The following WNT8B variants were observed in gnomAD, a reference collection of about 807,000 sequenced individuals.
The protein encoded by WNT8B is Wnt family member 8B, also known as protein Wnt-8b.
Under a neutral mutation model 36.6 loss-of-function variants are expected in WNT8B, and 24 were observed. The ratio of observed to expected loss-of-function variants is 0.66; its 90% confidence interval spans 0.48 to 0.92. The LOEUF (loss-of-function observed/expected upper bound fraction) is 0.92. WNT8B is among the 40% of genes least tolerant of loss of function. The probability of loss-of-function intolerance (pLI) is 0.00; values close to 1 mark genes in which losing one functional copy is unlikely to be tolerated. For synonymous variants in WNT8B, 199 were observed against 189.8 expected, an observed-to-expected ratio of 1.05 and a Z score of -0.40; for missense variants, 402 against 470.8, an observed-to-expected ratio of 0.85 and a Z score of 1.35.
chr10:100,481,006 G>A lies in WNT8B; in HGVS notation c.250G>A (p.Glu84Lys). ...SHGGLRSANR[E>K]TAFVHAISSA... is the part of the protein sequence containing the mutation. ...TTTTTGGTTCCTGCTAGCCAATCGG[G>A]AGACAGCATTTGTGCATGCCATCAG... Residue 84 changes from glutamate to lysine, a missense_variant, in exon 4 of 6, where the codon GAG (glutamate) becomes AAG (lysine). Glu to Lys is a moderately conservative substitution (Grantham distance 56, BLOSUM62 1). This residue lies in a region of WNT8B where 131 missense variants were observed against 152.6 expected (regional missense o/e 0.86). Coordinates refer to ENST00000343737, the MANE Select transcript of WNT8B (RefSeq NM_003393.4). 1.2e-6 allele frequency: 2 copies of A among 1,613,964 alleles called. No individual in the cohort carries two copies. The highest frequency in any genetic ancestry group is 1.1e-5 in the South Asian group (1 of 91,074).
rs762667065 is a variant in WNT8B at position 100,482,555 on chromosome 10, G to C, written c.795G>C (p.Leu265=). The change falls in exon 6 of 6, where the codon CTG becomes CTC. Residue 265 remains leucine, a synonymous_variant. Coordinates refer to ENST00000343737, the MANE Select transcript of WNT8B (RefSeq NM_003393.4). This position sits in a 1 kb window ranked among gnomAD's most constrained non-coding sequence, Gnocchi z 6.6. ...TGGAGAACAAAACGCTAGGGCTGCT[G>C]GGCACCGAAGGCCGAGAGTGCCTAA... is the stretch of plus-strand genomic sequence containing the variant. The part of the protein sequence containing the change: ...YCLENKTLGL[L]GTEGRECLRR... 1.3e-6 allele frequency: 2 copies of C among 1,598,678 alleles called. No individual in the cohort carries two copies. Among genetic ancestry groups the C allele is most frequent in the Non-Finnish European group, 1.7e-6 (2 of 1,178,718 alleles).
In WNT8B at chr10:100,482,033, C is replaced by CA; in HGVS notation, c.491dup (p.Asn164LysfsTer171). The CA allele has an allele frequency of 6.2e-7, 1 of 1,614,176 alleles. No individual in the cohort carries two copies. Among genetic ancestry groups the CA allele is most frequent in the Non-Finnish European group, 8.5e-7 (1 of 1,180,010 alleles). On this transcript the variant is annotated frameshift_variant, in exon 5 of 6. Coordinates refer to ENST00000343737, the MANE Select transcript of WNT8B (RefSeq NM_003393.4). LOFTEE classifies it high-confidence loss of function. The surrounding 1 kb of genome is among the most constrained non-coding windows in gnomAD (Gnocchi z 6.6). Reference sequence around the variant, plus strand: ...ATGCACGGGCAGCCATGAACCTGCACAACAACGAGGCTGGCCGCAAGGTGA... The same window carrying CA: ...ATGCACGGGCAGCCATGAACCTGCACAAACAACGAGGCTGGCCGCAAGGTGA...
chr10:100,474,351 A>T (rs1479864900), intron 1 of WNT8B, among the ~76,000 whole-genome samples: 1 of 152,112 alleles, frequency 6.6e-6, no homozygotes, highest in Non-Finnish European at 1.5e-5. Flanking sequence ...TTACATCTTC[A>T]GTGTTTGTTA....
chr10:100,469,134 G>C (rs1850944234), intron 1 of WNT8B, among the ~76,000 whole-genome samples: 2 of 152,154 alleles, frequency 1.3e-5, no homozygotes, highest in South Asian at 4.1e-4. Flanking sequence ...ATGACCAAAA[G>C]CTACACATTC....
chr10:100,470,257 C>T (rs1488269500), intron 1 of WNT8B, among the ~76,000 whole-genome samples: 2 of 152,166 alleles, frequency 1.3e-5, no homozygotes, highest in Non-Finnish European at 2.9e-5. Flanking sequence ...TCCTGAGTAG[C>T]TGGGACTATA....
Position 100,479,894 on chromosome 10 carries a change from C to G in WNT8B, c.123C>G (p.Ser41Arg). 2.5e-6 allele frequency: 4 copies of G among 1,614,040 alleles called. No individual in the cohort carries two copies. Among genetic ancestry groups the G allele is most frequent in the Non-Finnish European group, 3.4e-6 (4 of 1,179,938 alleles). ...TACAGGCTTACCTGATTTACTCCAG[C>G]AGTGTGGCAGCTGGTGCCCAGAGTG... ...TGPKAYLIYS[S>R]SVAAGAQSGI... Residue 41 changes from serine to arginine, a missense_variant, in exon 3 of 6, where the codon AGC (serine) becomes AGG (arginine). By Grantham distance (110) the Ser-to-Arg change is moderately radical. Around this residue, in one of 3 missense-constraint regions of WNT8B, gnomAD observed 131 missense variants for 152.6 expected, o/e 0.86. Coordinates refer to ENST00000343737, the MANE Select transcript of WNT8B (RefSeq NM_003393.4).
chr10:100,480,005 T>C lies in WNT8B; in HGVS notation c.234T>C (p.Leu78=). The change falls in exon 3 of 6, where the codon CTT becomes CTC. Residue 78 remains leucine (L), a synonymous_variant. Transcript: ENST00000343737. ...RALQLSSHGG[L]RSANRETAFV... ...TGCAGCTGTCCAGCCATGGTGGGCT[T>C]CGCAGTGGTAAGAAAAACCTCAGCC... The C allele has an allele frequency of 6.2e-7, 1 of 1,613,266 alleles. No homozygotes were observed. Among genetic ancestry groups the C allele is most frequent in the Non-Finnish European group, 8.5e-7 (1 of 1,179,812 alleles).
chr10:100,481,349 A>G (rs555073373), intron 4 of WNT8B, among the ~76,000 whole-genome samples: 1 of 152,322 alleles, frequency 6.6e-6, no homozygotes, highest in East Asian at 1.9e-4. Context: ...ATATAAAAAT[A>G]AAGAAACAAC....
Position 100,479,991 on chromosome 10 carries a change from A to C in WNT8B, c.220A>C (p.Ser74Arg). ...CCCTGAGAGAGCCCTGCAGCTGTCCAGCCATGGTGGGCTTCGCAGTGGTAA... is the reference window on the plus strand; with the variant it reads ...CCCTGAGAGAGCCCTGCAGCTGTCCCGCCATGGTGGGCTTCGCAGTGGTAA... ...NCPERALQLSSHGGLRSANRE... is the reference protein window; with the variant it reads ...NCPERALQLSRHGGLRSANRE... Residue 74 changes from serine to arginine, a missense_variant, in exon 3 of 6, where the codon AGC becomes CGC. Physicochemically the swap from Ser to Arg is moderately radical, Grantham distance 110. Transcript: ENST00000343737. 6.2e-7 allele frequency: 1 copy of C among 1,613,708 alleles called. No homozygotes were observed.
At chr10:100,472,212 G>A (rs1381873330) in intron 1 of WNT8B, among the ~76,000 whole-genome samples, 7 of 150,630 alleles carry the variant, frequency 4.6e-5, no homozygotes, top group South Asian at 2.2e-4. Flanking sequence ...CTGGGTTCAC[G>A]CCATTCTCCT....
At chr10:100,479,228 T>A in intron 2 of WNT8B, 143 bp downstream of exon 2, 1 of 764,930 alleles carries the variant, frequency 1.3e-6, no homozygotes, top group African/African-American at 1.8e-5. Context: ...ACCCAGAGGG[T>A]GTTAGGGACA....
intron 1 of WNT8B, among the ~76,000 whole-genome samples, chr10:100,465,385 G>C (rs781106467): frequency 6.6e-6 from 1 of 152,154 alleles, no homozygotes; most frequent in African/African-American, 2.4e-5. Flanking sequence ...CCAAGCAGAT[G>C]ATGATGATTA....
At chr10:100,465,433 C>T (rs1447567511) in intron 1 of WNT8B, among the ~76,000 whole-genome samples, 1 of 152,118 alleles carries the variant, frequency 6.6e-6, no homozygotes, top group Non-Finnish European at 1.5e-5. Context: ...GATTTTCCTT[C>T]CAATGCACTT....
intron 3 of WNT8B, 31 bp from the exon 4 acceptor site, chr10:100,480,967 C>T (rs201494198): frequency 1.2e-6 from 2 of 1,609,518 alleles, no homozygotes; most frequent in South Asian, 1.1e-5. Context: ...GAAACCCCTC[C>T]CTCTAACTCT....
chr10:100,466,226 C>A (rs899637194), intron 1 of WNT8B, among the ~76,000 whole-genome samples: 1 of 151,724 alleles, frequency 6.6e-6, no homozygotes, highest in East Asian at 1.9e-4. Flanking sequence ...AAAAAAAATA[C>A]CAGTATAAAA....
intron 2 of WNT8B, 30 bp downstream of exon 2, chr10:100,479,115 A>G: frequency 6.3e-7 from 1 of 1,580,854 alleles, no homozygotes; most frequent in Non-Finnish European, 8.6e-7. Context: ...ATTGATATGG[A>G]TTTCACTAAT....
intron 1 of WNT8B, among the ~76,000 whole-genome samples, chr10:100,476,094 A>G (rs911119829): frequency 6.6e-6 from 1 of 151,892 alleles, no homozygotes; most frequent in Non-Finnish European, 1.5e-5. Flanking sequence ...GATCGAGACC[A>G]TCCTGGCAAA....
Position 100,479,990 on chromosome 10 carries a change from C to T in WNT8B, c.219C>T (p.Ser73=), listed in dbSNP as rs1564645080. The part of the protein sequence containing the change: ...WNCPERALQL[S]SHGGLRSANR... ...GCCCTGAGAGAGCCCTGCAGCTGTC[C>T]AGCCATGGTGGGCTTCGCAGTGGTA... is the stretch of plus-strand genomic sequence containing the variant. Residue 73 remains serine (S), a synonymous_variant, in exon 3 of 6, where the codon TCC becomes TCT. Coordinates refer to ENST00000343737, the MANE Select transcript of WNT8B (RefSeq NM_003393.4). The T allele has an allele frequency of 1.9e-6, 3 of 1,613,672 alleles. No homozygotes were observed. The highest frequency in any genetic ancestry group is 2.5e-6 in the Non-Finnish European group (3 of 1,179,842).
In WNT8B at chr10:100,482,819, G is replaced by C. The variant is rs1390134999; in HGVS notation, c.*3G>C. The C allele has an allele frequency of 2.6e-6, 4 of 1,535,096 alleles. No homozygotes were observed. The highest frequency in any genetic ancestry group is 2.0e-5 in the Admixed American group (1 of 51,194). On this transcript the variant is annotated 3_prime_UTR_variant, in exon 6 of 6. Coordinates refer to ENST00000343737, the MANE Select transcript of WNT8B (RefSeq NM_003393.4). This position sits in a 1 kb window ranked among gnomAD's most constrained non-coding sequence, Gnocchi z 6.6. ...ACAAACCCGGGAGAAAACCCTAAGG[G>C]TTTCCTCTGCCCCCTCCTTTTCCCA...
Sources: allele counts gnomAD v4.1 joint callset (sites outside exome capture counted in the v4.1 genomes callset), GRCh38; gene constraint gnomAD v4.1.1; regional missense constraint gnomAD v4.1.1; non-coding constraint Gnocchi (gnomAD v3.1); transcripts MANE v1.5; gene names NCBI Gene and HGNC (gene_info 2026-07-23, HGNC 2026-07-21).